The following PDE10A variants were observed in gnomAD, a reference collection of about 807,000 sequenced individuals.
PDE10A encodes the protein cAMP and cAMP-inhibited cGMP 3',5'-cyclic phosphodiesterase 10A.
PDE10A carries 39 observed loss-of-function variants against 97.7 expected under a neutral mutation model. The observed-to-expected ratio is 0.40, with a 90% CI of 0.31 to 0.52. PDE10A has a LOEUF of 0.52. Ranked by LOEUF, PDE10A falls within the 20% of genes least tolerant of loss-of-function variation. PDE10A has a pLI of 0.56. For missense variants in PDE10A, 731 were observed against 1,047.8 expected (o/e 0.70, Z 4.17); for synonymous variants, 371 against 376.8 (o/e 0.98, Z 0.18).
chr6:165,899,906 T>C (rs1782057144), intron 1 of PDE10A, among the ~76,000 whole-genome samples: 1 of 152,240 alleles, frequency 6.6e-6, no homozygotes, highest in South Asian at 2.1e-4. Flanking sequence ...TTTTTTCCCT[T>C]TTCTTTTTGA....
chr6:165,814,988 A>G (rs889462857), intron 1 of PDE10A, among the ~76,000 whole-genome samples: 3 of 152,142 alleles, frequency 2.0e-5, no homozygotes, highest in Admixed American at 2.0e-4. Context: ...TGGACTCTCT[A>G]CGTGCATTTA....
chr6:165,793,328 A>C (rs981158072), intron 1 of PDE10A, among the ~76,000 whole-genome samples: 6 of 152,126 alleles, frequency 3.9e-5, no homozygotes, highest in Admixed American at 3.9e-4. Flanking sequence ...AATATGATGA[A>C]GATAAAATTC....
intron 1 of PDE10A, among the ~76,000 whole-genome samples, chr6:165,947,663 C>G (rs1289777685): frequency 2.0e-5 from 3 of 152,106 alleles, no homozygotes; most frequent in Admixed American, 2.0e-4. Context: ...CTAGCTTTTG[C>G]TTTTTGAGTT....
At chr6:165,528,567 A>C (rs1396392282) in intron 2 of PDE10A, among the ~76,000 whole-genome samples, 1 of 152,226 alleles carries the variant, frequency 6.6e-6, no homozygotes, top group Non-Finnish European at 1.5e-5. Flanking sequence ...TTCTCAATGG[A>C]ATAGACACTT....
Position 165,413,989 on chromosome 6 carries a change from C to CA in PDE10A, c.1890-303dup, listed in dbSNP as rs1197642991. ...ATCCAGCATTACTAAGTAAACAGAC[C>CA]AAAAAAAAACGTGGATTCAGAGGAG... On this transcript the variant is annotated intron_variant, in intron 12 of 21. Coordinates refer to ENST00000539869, the MANE Select transcript of PDE10A (RefSeq NM_001385079.1). Among the ~76,000 whole-genome samples the CA allele has an allele frequency of 6.5e-3, 968 of 148,866 alleles. 9 individuals carry two copies. The highest frequency in any genetic ancestry group is 0.022 in the African/African-American group (890 of 40,616).
Position 165,425,495 on chromosome 6 carries a change from G to A in PDE10A, c.1653+3163C>T, listed in dbSNP as rs544109244. On this transcript the variant is annotated intron_variant, in intron 10 of 21. Coordinates refer to ENST00000539869, the MANE Select transcript of PDE10A (RefSeq NM_001385079.1). ...TTGACAAACTGTAACATACCTGCAT[G>A]ATAAAAACACGCAATAAAGTAGGAA... Among the ~76,000 whole-genome samples the A allele has an allele frequency of 2.6e-5, 4 of 152,128 alleles. No homozygotes were observed. The South Asian group carries it at 8.3e-4, about 32-fold the overall frequency.
chr6:165,629,005 A>AT (rs1357846534), intron 1 of PDE10A, among the ~76,000 whole-genome samples: 5 of 152,030 alleles, frequency 3.3e-5, no homozygotes, highest in Non-Finnish European at 7.4e-5. Context: ...TAATATCATG[A>AT]TTTTTATGGG....
intron 1 of PDE10A, among the ~76,000 whole-genome samples, chr6:165,682,791 T>C (rs933829082): frequency 6.6e-6 from 1 of 152,132 alleles, no homozygotes; most frequent in Non-Finnish European, 1.5e-5. Context: ...ATATTTACCA[T>C]CAACAGGGAA....
intron 18 of PDE10A, among the ~76,000 whole-genome samples, chr6:165,355,896 C>G (rs1462405321): frequency 6.6e-6 from 1 of 152,080 alleles, no homozygotes; most frequent in Non-Finnish European, 1.5e-5. Context: ...CATTTTCACA[C>G]CGCTATAAAG....
At chr6:165,340,579 G>C (rs1781913774) in intron 19 of PDE10A, among the ~76,000 whole-genome samples, 1 of 152,188 alleles carries the variant, frequency 6.6e-6, no homozygotes, top group Non-Finnish European at 1.5e-5. Flanking sequence ...GACTTGACAA[G>C]TCCAACAAGG....
intron 1 of PDE10A, among the ~76,000 whole-genome samples, chr6:165,966,228 A>G (rs1186809243): frequency 1.3e-5 from 2 of 152,236 alleles, no homozygotes; most frequent in African/African-American, 4.8e-5. Context: ...AGGGCTCATA[A>G]TGGAGCTTAG....
At chr6:165,432,070 T>C (rs1334691629) in intron 7 of PDE10A, among the ~76,000 whole-genome samples, 3 of 152,232 alleles carry the variant, frequency 2.0e-5, no homozygotes, top group Non-Finnish European at 4.4e-5. Context: ...TTCATGAGTG[T>C]CTATTATGTA....
chr6:165,538,301 C>T (rs1157390838), intron 2 of PDE10A, among the ~76,000 whole-genome samples: 1 of 151,876 alleles, frequency 6.6e-6, no homozygotes, highest in Non-Finnish European at 1.5e-5. Context: ...TCAGGCAGCA[C>T]AAATATTTTC....
chr6:165,719,608 C>T (rs919934040), intron 1 of PDE10A, among the ~76,000 whole-genome samples: 1 of 146,316 alleles, frequency 6.8e-6, no homozygotes, highest in African/African-American at 2.5e-5. Flanking sequence ...GAGGTTCCAG[C>T]ACAATAAGTG....
At chr6:165,716,894 A>C (rs1410117618) in intron 1 of PDE10A, among the ~76,000 whole-genome samples, 1 of 152,240 alleles carries the variant, frequency 6.6e-6, no homozygotes. Context: ...AGACTGTGGC[A>C]TTAAGTACCT....
At chr6:165,446,658 C>CTATG (rs1790869684) in intron 5 of PDE10A, among the ~76,000 whole-genome samples, 2 of 152,182 alleles carry the variant, frequency 1.3e-5, no homozygotes. Context: ...ACAGACTCAG[C>CTATG]TATGTTCCAT....
intron 1 of PDE10A, among the ~76,000 whole-genome samples, chr6:165,791,274 T>C (rs1308034164): frequency 6.6e-6 from 1 of 151,988 alleles, no homozygotes; most frequent in Non-Finnish European, 1.5e-5. Flanking sequence ...TCTGACTGTT[T>C]TAGATTTATC....
At chr6:165,641,864 G>A (rs528758043) in intron 1 of PDE10A, among the ~76,000 whole-genome samples, 7 of 152,282 alleles carry the variant, frequency 4.6e-5, no homozygotes, top group East Asian at 1.9e-4. Flanking sequence ...TCTGGCAAGC[G>A]GTGTTTCGGT....
chr6:165,402,168 T>C (rs980695190), intron 13 of PDE10A, among the ~76,000 whole-genome samples: 10 of 152,316 alleles, frequency 6.6e-5, no homozygotes, highest in Admixed American at 4.6e-4. Context: ...TTATTCCTTT[T>C]ATTGTCATTT....
Sources: gnomAD v4.1 joint callset for allele counts (sites outside exome capture counted in the v4.1 genomes callset) on GRCh38, gnomAD v4.1.1 for gene constraint, MANE v1.5 for transcripts, NCBI Gene and HGNC (gene_info 2026-07-23, HGNC 2026-07-21) for gene names.